The following PLXDC2 variants were observed in gnomAD, a reference collection of about 807,000 sequenced individuals.
PLXDC2 encodes plexin domain-containing protein 2.
A neutral mutation model predicts 68.9 loss-of-function variants in PLXDC2; 40 were observed. The observed-to-expected ratio is 0.58, with a 90% CI of 0.45 to 0.76. PLXDC2 has a LOEUF of 0.76. Among genes scored for constraint, PLXDC2 ranks in the 30% least tolerant of loss-of-function variants. The pLI is 0.00. For synonymous variants in PLXDC2, 243 were observed against 234.2 expected, an observed-to-expected ratio of 1.04 and a Z score of -0.34; for missense variants, 644 against 661.9, an observed-to-expected ratio of 0.97 and a Z score of 0.30.
At chr10:20,175,069 T>A (rs1369447950) in intron 7 of PLXDC2, among the ~76,000 whole-genome samples, 2 of 152,120 alleles carry the variant, frequency 1.3e-5, no homozygotes, top group Non-Finnish European at 1.5e-5. Flanking sequence ...GTAGTGTGAT[T>A]TCAGTGAGTT....
intron 12 of PLXDC2, among the ~76,000 whole-genome samples, chr10:20,219,304 CTG>C (rs2131865492): frequency 6.6e-6 from 1 of 152,220 alleles, no homozygotes; most frequent in African/African-American, 2.4e-5. Context: ...GTGTATAAAA[CTG>C]TGACACCAAT....
Position 20,232,382 on chromosome 10 carries a change from C to CCA in PLXDC2, c.1313-12947_1313-12946dup, listed in dbSNP as rs201219616. Among the ~76,000 whole-genome samples, 59 of 150,218 alleles carry CCA rather than the reference C, an allele frequency of 3.9e-4. 1 individual carries two copies. Among genetic ancestry groups the CCA allele is most frequent in the East Asian group, 9.8e-4 (5 of 5,124 alleles). On this transcript the variant is annotated intron_variant, in intron 12 of 13. Transcript: ENST00000377252. ...TATTTATTTTAAAAAGAAAACATGT[C>CCA]CACACACACACACACACGCACACAC...
chr10:19,823,806 G>C (rs1836524506), intron 1 of PLXDC2, among the ~76,000 whole-genome samples: 1 of 152,054 alleles, frequency 6.6e-6, no homozygotes, highest in Non-Finnish European at 1.5e-5. Flanking sequence ...GGGCAACATA[G>C]GGAAGAGACC....
chr10:19,978,985 T>C (rs1834503616), intron 1 of PLXDC2, among the ~76,000 whole-genome samples: 1 of 152,220 alleles, frequency 6.6e-6, no homozygotes, highest in East Asian at 1.9e-4. Flanking sequence ...TATGTATGCA[T>C]GTATATATAA....
At chr10:19,914,106 G>A (rs931337361) in intron 1 of PLXDC2, among the ~76,000 whole-genome samples, 5 of 150,062 alleles carry the variant, frequency 3.3e-5, no homozygotes, top group Non-Finnish European at 7.4e-5. Flanking sequence ...AGGGAAGAAG[G>A]GAGGGAGGTA....
In PLXDC2 at chr10:19,883,632, T is replaced by C. The variant is rs16916009; in HGVS notation, c.112+66441T>C. 1.4e-3 allele frequency among the ~76,000 whole-genome samples: 219 copies of C among 152,190 alleles called. 1 individual carries two copies. Among genetic ancestry groups the C allele is most frequent in the African/African-American group, 5.1e-3 (211 of 41,518 alleles). On this transcript the variant is annotated intron_variant, in intron 1 of 13. Coordinates refer to ENST00000377252, the MANE Select transcript of PLXDC2 (RefSeq NM_032812.9). ...TAGAATGTTGAAATAGTTTGAATAGTGTCTCCTAGGATCAATCTTTTGGCT... is the reference window on the plus strand; with the variant it reads ...TAGAATGTTGAAATAGTTTGAATAGCGTCTCCTAGGATCAATCTTTTGGCT...
chr10:19,942,528 C>G (rs184650492), intron 1 of PLXDC2, among the ~76,000 whole-genome samples: 1 of 152,194 alleles, frequency 6.6e-6, no homozygotes, highest in East Asian at 1.9e-4. Context: ...TTTGGGAGGT[C>G]AAGGCAAGTG....
chr10:20,102,676 A>T (rs1833438810), intron 4 of PLXDC2, among the ~76,000 whole-genome samples: 1 of 152,224 alleles, frequency 6.6e-6, no homozygotes, highest in African/African-American at 2.4e-5. Context: ...GGTACAGAAC[A>T]CTGCAGAAGG....
At chr10:20,120,141 T>A (rs1833676540) in intron 4 of PLXDC2, among the ~76,000 whole-genome samples, 2 of 151,246 alleles carry the variant, frequency 1.3e-5, no homozygotes, top group African/African-American at 4.9e-5. Context: ...TGAATAGGAG[T>A]ATGACTAGAC....
At chr10:20,025,269 T>C (rs1589592849) in intron 2 of PLXDC2, among the ~76,000 whole-genome samples, 3 of 11,860 alleles carry the variant, frequency 2.5e-4, no homozygotes, top group Non-Finnish European at 3.1e-4. Context: ...TTTTTTCGAC[T>C]TTTTTTTTTT....
At chr10:20,260,856 T>C (rs1835800978) in intron 13 of PLXDC2, among the ~76,000 whole-genome samples, 1 of 152,200 alleles carries the variant, frequency 6.6e-6, no homozygotes, top group South Asian at 2.1e-4. Flanking sequence ...TCCCAACACT[T>C]GTTATCTCTT....
intron 1 of PLXDC2, among the ~76,000 whole-genome samples, chr10:19,846,380 A>G (rs1837010894): frequency 1.3e-5 from 2 of 152,162 alleles, no homozygotes; most frequent in South Asian, 4.1e-4. Context: ...TTATGAAGTG[A>G]TTAAATCTCG....
chr10:19,988,224 A>G (rs1834682357), intron 1 of PLXDC2, among the ~76,000 whole-genome samples: 1 of 152,212 alleles, frequency 6.6e-6, no homozygotes, highest in African/African-American at 2.4e-5. Flanking sequence ...GGAAATACAG[A>G]ATTGGAAAAT....
intron 1 of PLXDC2, among the ~76,000 whole-genome samples, chr10:19,864,909 G>A (rs1837385687): frequency 6.6e-6 from 1 of 152,146 alleles, no homozygotes; most frequent in Admixed American, 6.6e-5. Flanking sequence ...AGTTTGGGAG[G>A]GTAAGTGAGA....
chr10:20,152,079 G>A (rs1474653423), intron 6 of PLXDC2, among the ~76,000 whole-genome samples: 1 of 151,964 alleles, frequency 6.6e-6, no homozygotes, highest in Non-Finnish European at 1.5e-5. Flanking sequence ...ATTTAAATGT[G>A]CCAACCATGC....
intron 4 of PLXDC2, among the ~76,000 whole-genome samples, chr10:20,137,162 A>C (rs1833945347): frequency 6.6e-6 from 1 of 152,266 alleles, no homozygotes; most frequent in Non-Finnish European, 1.5e-5. Flanking sequence ...TCCTAGCATT[A>C]GTCCAAGATT....
At chr10:20,048,879 A>G (rs974405364) in intron 3 of PLXDC2, among the ~76,000 whole-genome samples, 1 of 152,004 alleles carries the variant, frequency 6.6e-6, no homozygotes, top group African/African-American at 2.4e-5. Flanking sequence ...AATACTGTAG[A>G]CAGTCCATTT....
At chr10:20,191,651 T>G (rs1834766690) in intron 9 of PLXDC2, among the ~76,000 whole-genome samples, 1 of 145,756 alleles carries the variant, frequency 6.9e-6, no homozygotes. Context: ...GTGTTCTCAT[T>G]GTTGTGGGGT....
intron 9 of PLXDC2, among the ~76,000 whole-genome samples, chr10:20,208,344 C>A (rs1020228038): frequency 6.6e-6 from 1 of 152,032 alleles, no homozygotes; most frequent in African/African-American, 2.4e-5. Context: ...GAGAGCCAGG[C>A]AAAAGGGGAA....
Sources: gnomAD v4.1 joint callset for allele counts (sites outside exome capture counted in the v4.1 genomes callset) on GRCh38, gnomAD v4.1.1 for gene constraint, MANE v1.5 for transcripts, NCBI Gene and HGNC (gene_info 2026-07-23, HGNC 2026-07-21) for gene names.